The following BCAS3 variants were observed in gnomAD, a reference collection of about 807,000 sequenced individuals.
BCAS3 encodes the protein BCAS4/BCAS3 fusion.
A neutral mutation model predicts 116.1 loss-of-function variants in BCAS3; 53 were observed. The observed-to-expected ratio is 0.46, with a 90% CI of 0.37 to 0.57. BCAS3 has a LOEUF of 0.57. Among genes scored for constraint, BCAS3 ranks in the 20% least tolerant of loss-of-function variants. The probability of loss-of-function intolerance (pLI) is 0.00; values close to 1 mark genes in which losing one functional copy is unlikely to be tolerated. For missense variants in BCAS3, 917 were observed against 1,165.4 expected (o/e 0.79, Z 3.10); for synonymous variants, 391 against 408.2 (o/e 0.96, Z 0.51).
At chr17:60,741,034 C>CT (rs1207739431) in intron 5 of BCAS3, among the ~76,000 whole-genome samples, 1 of 152,140 alleles carries the variant, frequency 6.6e-6, no homozygotes, top group African/African-American at 2.4e-5. Flanking sequence ...TTTACAATGT[C>CT]TTGTCCACAT....
intron 19 of BCAS3, among the ~76,000 whole-genome samples, chr17:61,042,891 C>CCA (rs1555682922): frequency 1.2e-4 from 7 of 58,318 alleles, no homozygotes; most frequent in African/African-American, 3.3e-4. Flanking sequence ...CTCCATCTCA[C>CCA]AAAAAAAAAA....
intron 22 of BCAS3, among the ~76,000 whole-genome samples, chr17:61,157,106 T>C (rs1225383069): frequency 6.6e-6 from 1 of 152,192 alleles, no homozygotes; most frequent in Non-Finnish European, 1.5e-5. Flanking sequence ...AACTTTTCTT[T>C]CCTGTTTCTT....
intron 22 of BCAS3, among the ~76,000 whole-genome samples, chr17:61,192,016 G>A (rs563259387): frequency 3.0e-4 from 45 of 151,814 alleles, no homozygotes; most frequent in Admixed American, 3.9e-4. Flanking sequence ...AGGCCGAGGC[G>A]GGTGGATCAC....
chr17:61,107,082 CT>C (rs755754824), intron 22 of BCAS3, among the ~76,000 whole-genome samples: 47 of 106,370 alleles, frequency 4.4e-4, no homozygotes, highest in African/African-American at 1.4e-3. Context: ...ACTAGGCTTA[CT>C]TTTTTTTTTT....
rs532513323 is a variant in BCAS3, at chr17:61,172,967, G to A, written c.2425+88403G>A. Among the ~76,000 whole-genome samples, 301 of 148,354 alleles carry A rather than the reference G, an allele frequency of 2.0e-3. 1 individual carries two copies. Among genetic ancestry groups the A allele is most frequent in the Admixed American group, 3.2e-3 (46 of 14,544 alleles). On this transcript the variant is annotated intron_variant, in intron 22 of 23. Coordinates refer to ENST00000407086, the MANE Select transcript of BCAS3 (RefSeq NM_017679.5). ...GACGCCACTGCACTCCAGCCTGGGC[G>A]ACAGAGCAAGATTCCATCTCAAATA...
At chr17:61,299,568 C>T (rs1331639377) in intron 22 of BCAS3, among the ~76,000 whole-genome samples, 2 of 151,632 alleles carry the variant, frequency 1.3e-5, no homozygotes, top group Non-Finnish European at 2.9e-5. Context: ...GAGGGTTTGG[C>T]GTTCATTGCC....
intron 6 of BCAS3, among the ~76,000 whole-genome samples, chr17:60,807,775 C>G (rs2048413467): frequency 7.0e-6 from 1 of 143,612 alleles, no homozygotes; most frequent in African/African-American, 2.6e-5. Flanking sequence ...GAGCGAGACT[C>G]TGTCTCAAAA....
rs10671633 is a variant in BCAS3 at position 61,095,844 on chromosome 17, T to TACACACACACACACAC, written c.2425+11294_2425+11309dup. On this transcript the variant is annotated intron_variant, in intron 22 of 23. Transcript: ENST00000407086. This position sits in a 1 kb window ranked among gnomAD's most constrained non-coding sequence, Gnocchi z 4.7. ...AAAACCACTGGTATGCATATTCTCG[T>TACACACACACACACAC]ACACACACACACACACACACACACA... Among the ~76,000 whole-genome samples, 6 of 146,274 alleles carry TACACACACACACACAC rather than the reference T, an allele frequency of 4.1e-5. No individual in the cohort carries two copies. The highest frequency in any genetic ancestry group is 1.5e-4 in the African/African-American group (6 of 39,968).
chr17:60,802,297 T>A (rs190147472), intron 6 of BCAS3, among the ~76,000 whole-genome samples: 21,860 of 108,354 alleles, frequency 0.2, 1,742 homozygotes, highest in African/African-American at 0.22. Context: ...AAAAAAAAAA[T>A]ATATATATAT....
At position 61,233,953 on chromosome 17, in the gene BCAS3, A is replaced by G. The variant is rs969721303; in HGVS notation, c.2426-134374A>G. 1.3e-5 allele frequency among the ~76,000 whole-genome samples: 2 copies of G among 150,636 alleles called. No individual in the cohort carries two copies. Among genetic ancestry groups the G allele is most frequent in the African/African-American group, 4.9e-5 (2 of 41,030 alleles). On this transcript the variant is annotated intron_variant, in intron 22 of 23. Transcript: ENST00000407086. This position sits in a 1 kb window ranked among gnomAD's most constrained non-coding sequence, Gnocchi z 4.3. ...CCATCCATTATTCTAATTAATGTGA[A>G]TTGAGTATTACTAATATCAGGTTTG...
At chr17:61,304,534 G>A (rs1361441349) in intron 22 of BCAS3, among the ~76,000 whole-genome samples, 3 of 152,092 alleles carry the variant, frequency 2.0e-5, no homozygotes, top group Non-Finnish European at 2.9e-5. Context: ...GACTCAGCAC[G>A]TAACGTCACC....
chr17:60,789,791 T>G (rs116638418), intron 6 of BCAS3, among the ~76,000 whole-genome samples: 6,666 of 152,118 alleles, frequency 0.044, 531 homozygotes, highest in African/African-American at 0.15. Flanking sequence ...GAATGAAGAG[T>G]ACATGCTATT....
In BCAS3 at chr17:61,026,978, A is replaced by G; in HGVS notation, c.1638-7688A>G. ...ACTCTCAAAAAGTAATTTGTTTTGTAGTTTTGTTTCCAGTTGCATGGCCTG... is the reference window on the plus strand; with the variant it reads ...ACTCTCAAAAAGTAATTTGTTTTGTGGTTTTGTTTCCAGTTGCATGGCCTG... On this transcript the variant is annotated intron_variant, in intron 16 of 23. Coordinates refer to ENST00000407086, the MANE Select transcript of BCAS3 (RefSeq NM_017679.5). This position sits in a 1 kb window ranked among gnomAD's most constrained non-coding sequence, Gnocchi z 5.0. The G allele has an allele frequency of 6.8e-7, 1 of 1,474,324 alleles. No individual in the cohort carries two copies. The highest frequency in any genetic ancestry group is 2.4e-5 in the East Asian group (1 of 41,288). The allele number at this position is 1,474,324 out of a possible 1,614,324, so 91.3% of individuals were successfully genotyped here.
intron 22 of BCAS3, among the ~76,000 whole-genome samples, chr17:61,216,510 GTA>G (rs1248631846): frequency 2.6e-5 from 3 of 116,680 alleles, no homozygotes; most frequent in Non-Finnish European, 3.6e-5. Flanking sequence ...AAGTCAATAA[GTA>G]TGTGTTTATT....
intron 21 of BCAS3, among the ~76,000 whole-genome samples, chr17:61,080,512 A>G: frequency 6.6e-6 from 1 of 151,970 alleles, no homozygotes; most frequent in South Asian, 2.1e-4. Flanking sequence ...TGGGAGGCTG[A>G]GGAGGGTGGA....
chr17:61,209,622 A>G (rs2081339958), intron 22 of BCAS3, among the ~76,000 whole-genome samples: 1 of 152,196 alleles, frequency 6.6e-6, no homozygotes, highest in Non-Finnish European at 1.5e-5. Flanking sequence ...CTGTGGCTGT[A>G]CAGAGACCAT....
intron 22 of BCAS3, among the ~76,000 whole-genome samples, chr17:61,269,118 T>C (rs1035541067): frequency 7.1e-6 from 1 of 140,476 alleles, no homozygotes; most frequent in Non-Finnish European, 1.6e-5. Context: ...TTTTCTTTTC[T>C]TTTTTTTTTT....
intron 22 of BCAS3, among the ~76,000 whole-genome samples, chr17:61,266,431 T>C (rs1456451771): frequency 1.3e-4 from 20 of 152,208 alleles, no homozygotes; most frequent in Admixed American, 1.3e-3. Flanking sequence ...TCCTGAGCAA[T>C]TTCATTTCAG....
chr17:60,963,695 A>T (rs1031605166), intron 14 of BCAS3, among the ~76,000 whole-genome samples: 1 of 151,758 alleles, frequency 6.6e-6, no homozygotes, highest in Non-Finnish European at 1.5e-5. Context: ...AGCTGGGACC[A>T]CAGGCGCCTG....
Sources: gnomAD v4.1 joint callset for allele counts (sites outside exome capture counted in the v4.1 genomes callset) on GRCh38, gnomAD v4.1.1 for gene constraint, Gnocchi (gnomAD v3.1) non-coding constraint, MANE v1.5 for transcripts, NCBI Gene and HGNC (gene_info 2026-07-23, HGNC 2026-07-21) for gene names.